The following SETD2 variants were observed in gnomAD, a reference collection of about 807,000 sequenced individuals.
SETD2 encodes the protein SET domain containing 2, histone lysine methyltransferase.
In SETD2, 31 loss-of-function variants were observed where a neutral mutation model predicts 242.1. The ratio of observed to expected loss-of-function variants is 0.13; its 90% CI spans 0.10 to 0.17. The LOEUF (loss-of-function observed/expected upper bound fraction) is 0.17, where lower values mean the gene tolerates loss of function less well. Among genes scored for constraint, SETD2 ranks in the 10% least tolerant of loss-of-function variants. The pLI is 1.00. For missense variants in SETD2, 2,481 were observed against 3,046.3 expected (o/e 0.81, Z 4.37); for synonymous variants, 1,006 against 1,066.5 (o/e 0.94, Z 1.11).
Position 47,121,782 on chromosome 3 carries a change from T to G in SETD2, c.2854A>C (p.Asn952His). The G allele has an allele frequency of 3.7e-6, 6 of 1,614,140 alleles. No individual in the cohort carries two copies. The highest frequency in any genetic ancestry group is 5.1e-6 in the Non-Finnish European group (6 of 1,179,992). ...TGCAAACATTTCCCAGATAACCCAT[T>G]ATTACGCCTGTTCTCCCTGGAAGCA... ...GFASRENRRNNGLSGKCLQEA... is the reference protein window; with the variant it reads ...GFASRENRRNHGLSGKCLQEA... Residue 952 changes from asparagine to histidine, a missense_variant, in exon 3 of 21, where the codon AAT (asparagine) becomes CAT (histidine). Coordinates refer to ENST00000409792, the MANE Select transcript of SETD2 (RefSeq NM_014159.7).
At chr3:47,111,079 TAA>T (rs10672755) in intron 5 of SETD2, among the ~76,000 whole-genome samples, 3,090 of 78,284 alleles carry the variant, frequency 0.039, 80 homozygotes, top group East Asian at 0.11. Context: ...GTGGTTCCTT[TAA>T]AAAAAAAAAA....
At position 47,017,388 on chromosome 3, in the gene SETD2, A is replaced by C. The variant is rs2038025877; in HGVS notation, c.7534-134T>G. On this transcript the variant is annotated intron_variant, in intron 20 of 20. Coordinates refer to ENST00000409792, the MANE Select transcript of SETD2 (RefSeq NM_014159.7). The surrounding 1 kb of genome is among the most constrained non-coding windows in gnomAD (Gnocchi z 4.8). Reference sequence around the variant, plus strand: ...CAAGACAGGAAGTTAATAAGGGGGTAGATGTTGGGGCAGGCTGGTGCTATG... The same window carrying C: ...CAAGACAGGAAGTTAATAAGGGGGTCGATGTTGGGGCAGGCTGGTGCTATG... The C allele has an allele frequency of 4.2e-6, 4 of 953,258 alleles. No individual in the cohort carries two copies. The highest frequency in any genetic ancestry group is 6.2e-6 in the Non-Finnish European group (4 of 643,840). 59.0% of individuals were successfully genotyped at this position (953,258 alleles called of 1,614,324 possible).
chr3:47,107,587 T>C (rs1014093556), intron 5 of SETD2, among the ~76,000 whole-genome samples: 1 of 152,142 alleles, frequency 6.6e-6, no homozygotes, highest in Non-Finnish European at 1.5e-5. Context: ...TGAAATGTCC[T>C]TTCTAACCCC....
At chr3:47,152,218 G>A (rs978684139) in intron 1 of SETD2, among the ~76,000 whole-genome samples, 2 of 152,140 alleles carry the variant, frequency 1.3e-5, no homozygotes, top group African/African-American at 4.8e-5. Context: ...TTTCTAAAAT[G>A]TTGTATTGTA....
chr3:47,064,361 T>A (rs2040470369), intron 13 of SETD2, among the ~76,000 whole-genome samples: 1 of 152,182 alleles, frequency 6.6e-6, no homozygotes, highest in Admixed American at 6.5e-5. Context: ...TGCAGTATAA[T>A]TAAATTAAGT....
chr3:47,117,287 A>AAAAAC (rs2042900254), intron 3 of SETD2, among the ~76,000 whole-genome samples: 1 of 145,408 alleles, frequency 6.9e-6, no homozygotes. Context: ...AAAACAAACA[A>AAAAAC]AAAAAAAAAC....
intron 1 of SETD2, chr3:47,145,428 T>C (rs2043829367): frequency 6.3e-6 from 2 of 315,002 alleles, no homozygotes; most frequent in South Asian, 5.3e-5. Flanking sequence ...TCTTGCTTTG[T>C]TGCCCAGGCT....
rs919360612 is a variant in SETD2 at position 47,161,058 on chromosome 3, A to G, written c.71+2796T>C. ...TACATTTTTGCCTCAATTTCTTCATATGTCTAAGTACCATTTCAAACCATC... is the reference window on the plus strand; with the variant it reads ...TACATTTTTGCCTCAATTTCTTCATGTGTCTAAGTACCATTTCAAACCATC... On this transcript the variant is annotated intron_variant, in intron 1 of 20. Transcript: ENST00000409792. 1.2e-4 allele frequency among the ~76,000 whole-genome samples: 18 copies of G among 152,266 alleles called. No individual in the cohort carries two copies. The South Asian group carries it at 2.3e-3, about 19-fold the overall frequency.
At position 47,122,851 on chromosome 3, in the gene SETD2, T is replaced by C. The variant is rs1308785276; in HGVS notation, c.1785A>G (p.Ser595=). 3 of 1,613,202 alleles carry C rather than the reference T, an allele frequency of 1.9e-6. No individual in the cohort carries two copies. The highest frequency in any genetic ancestry group is 3.3e-5 in the Admixed American group (2 of 59,878). Residue 595 remains serine (S), a synonymous_variant, in exon 3 of 21, where the codon TCA becomes TCG. Coordinates refer to ENST00000409792, the MANE Select transcript of SETD2 (RefSeq NM_014159.7). The part of the protein sequence containing the change: ...SHSFSLQTPC[S]KGSELRMINK... ...TAATCATTCTTAATTCACTACCTTT[T>C]GAACAAGGTGTCTGTAAACTAAAAG...
At chr3:47,113,106 C>CTT (rs67797383) in intron 5 of SETD2, among the ~76,000 whole-genome samples, 60 of 148,186 alleles carry the variant, frequency 4.0e-4, no homozygotes, top group South Asian at 1.7e-3. Flanking sequence ...CTCTTCTACT[C>CTT]TTTTTTTTTT....
In SETD2 at chr3:47,123,205, G is replaced by A. The variant is rs746872915; in HGVS notation, c.1431C>T (p.Ser477=). 1.3e-6 allele frequency: 2 copies of A among 1,582,250 alleles called. No individual in the cohort carries two copies. Among genetic ancestry groups the A allele is most frequent in the Admixed American group, 1.8e-5 (1 of 54,610 alleles). The change falls in exon 3 of 21, where the codon TCC becomes TCT. Residue 477 remains serine, a synonymous_variant. Transcript: ENST00000409792. ...ATGTCCTTAGGTCTCTGTAAGAAGAGGAATGAGATGAGGTACGCCTTGAGT... is the reference window on the plus strand; with the variant it reads ...ATGTCCTTAGGTCTCTGTAAGAAGAAGAATGAGATGAGGTACGCCTTGAGT... ...KTYSRRTSSH[S]SSYRDLRTSS...
intron 8 of SETD2, among the ~76,000 whole-genome samples, chr3:47,100,166 T>G (rs534861804): frequency 9.2e-5 from 14 of 152,140 alleles, no homozygotes; most frequent in Admixed American, 7.9e-4. Flanking sequence ...GATCTCGAAC[T>G]CTTGACCTCG....
At chr3:47,031,469 C>T (rs2038767624) in intron 18 of SETD2, among the ~76,000 whole-genome samples, 1 of 152,112 alleles carries the variant, frequency 6.6e-6, no homozygotes, top group African/African-American at 2.4e-5. Context: ...AGATAAATAC[C>T]TTTCTTCAGA....
intron 1 of SETD2, among the ~76,000 whole-genome samples, chr3:47,150,879 C>G (rs772203211): frequency 5.4e-5 from 8 of 149,214 alleles, no homozygotes; most frequent in Non-Finnish European, 1.2e-4. Flanking sequence ...GTGATCGTGC[C>G]ACTACATTTC....
intron 18 of SETD2, among the ~76,000 whole-genome samples, chr3:47,031,790 C>G (rs545833984): frequency 6.6e-6 from 1 of 152,030 alleles, no homozygotes; most frequent in South Asian, 2.1e-4. Flanking sequence ...TGGGTTATAG[C>G]TATCAAAATT....
chr3:47,122,524 T>C lies in SETD2; in HGVS notation c.2112A>G (p.Gly704=), dbSNP rs377002134. Residue 704 remains glycine, a synonymous_variant, in exon 3 of 21, where the codon GGA becomes GGG. Coordinates refer to ENST00000409792, the MANE Select transcript of SETD2 (RefSeq NM_014159.7). The part of the protein sequence containing the change: ...VLMTSDDSVT[G]SELSPLVKAC... Reference sequence around the variant, plus strand: ...CTTTGACCAAAGGGGATAATTCCGATCCAGTCACACTATCATCAGAAGTCA... The same window carrying C: ...CTTTGACCAAAGGGGATAATTCCGACCCAGTCACACTATCATCAGAAGTCA... 69 of 1,614,152 alleles carry C rather than the reference T, an allele frequency of 4.3e-5. No individual in the cohort carries two copies. The highest frequency in any genetic ancestry group is 5.8e-5 in the Non-Finnish European group (68 of 1,179,994).
intron 5 of SETD2, 89 bp downstream of exon 5, chr3:47,113,787 C>A (rs2042748552): frequency 7.5e-7 from 1 of 1,337,494 alleles, no homozygotes; most frequent in Non-Finnish European, 1.0e-6. Flanking sequence ...TCCAGTGAGC[C>A]AAGATCGTGC....
intron 11 of SETD2, among the ~76,000 whole-genome samples, chr3:47,085,545 T>C (rs1315186577): frequency 6.6e-6 from 1 of 152,200 alleles, no homozygotes; most frequent in Non-Finnish European, 1.5e-5. Context: ...GCTTCCTCAA[T>C]TTCCTCAAGC....
chr3:47,123,790 T>A lies in SETD2; in HGVS notation c.846A>T (p.Glu282Asp), dbSNP rs1237678583. 1 of 1,547,392 alleles carries A rather than the reference T, an allele frequency of 6.5e-7. No individual in the cohort carries two copies. The highest frequency in any genetic ancestry group is 8.7e-7 in the Non-Finnish European group (1 of 1,145,326). ...CTTCATCCTTCCCAATATGGGAATC[T>A]TCTTTTTTTGAGGAAATATCTGCTT... ...NEQADISSKK[E>D]DSHIGKDEEI... Residue 282 changes from glutamate to aspartate, a missense_variant, in exon 3 of 21, where the codon GAA (glutamate) becomes GAT (aspartate). Glu to Asp is a conservative substitution (Grantham distance 45). Around this residue, in one of 17 missense-constraint regions of SETD2, gnomAD observed 334 missense variants for 374.5 expected, o/e 0.89. Coordinates refer to ENST00000409792, the MANE Select transcript of SETD2 (RefSeq NM_014159.7).
Sources: gnomAD v4.1 joint callset for allele counts (sites outside exome capture counted in the v4.1 genomes callset) on GRCh38, gnomAD v4.1.1 for gene constraint, gnomAD v4.1.1 regional missense constraint, Gnocchi (gnomAD v3.1) non-coding constraint, MANE v1.5 for transcripts, NCBI Gene and HGNC (gene_info 2026-07-23, HGNC 2026-07-21) for gene names.